Variants in TEX2 observed in about 807,000 individuals in gnomAD.
TEX2 encodes testis expressed 2.
TEX2 carries 53 observed loss-of-function variants against 106.9 expected under a neutral mutation model. The ratio of observed to expected loss-of-function variants is 0.50; its 90% CI spans 0.40 to 0.62. The LOEUF is 0.62. Ranked by LOEUF, TEX2 falls within the 20% of genes least tolerant of loss-of-function variation. The probability of loss-of-function intolerance (pLI) is 0.00; values close to 1 mark genes in which losing one functional copy is unlikely to be tolerated. For synonymous variants in TEX2, 523 were observed against 534.8 expected, an observed-to-expected ratio of 0.98 and a Z score of 0.30; for missense variants, 1,207 against 1,379.0, an observed-to-expected ratio of 0.88 and a Z score of 1.98.
Position 64,212,794 on chromosome 17 carries a change from G to A in TEX2, c.1424C>T (p.Thr475Met), listed in dbSNP as rs782462824. Residue 475 changes from threonine to methionine, a missense_variant, in exon 2 of 12, where the codon ACG becomes ATG. Thr to Met is a moderately conservative substitution (Grantham distance 81, BLOSUM62 -1). Around this residue, in one of 3 missense-constraint regions of TEX2, gnomAD observed 1,067 missense variants for 1,193.6 expected, o/e 0.89. Coordinates refer to ENST00000584379, the MANE Select transcript of TEX2 (RefSeq NM_001288732.2). ...AVQHPELPVK[T>M]LGFFIMCVYV... Reference sequence around the variant, plus strand: ...GACACACATTATAAAGAAGCCCAACGTCTTCACTGGCAATTCCGGGTGCTG... The same window carrying A: ...GACACACATTATAAAGAAGCCCAACATCTTCACTGGCAATTCCGGGTGCTG... 64 of 1,613,958 alleles carry A rather than the reference G, an allele frequency of 4.0e-5. No individual in the cohort carries two copies. The highest frequency in any genetic ancestry group is 5.0e-5 in the Non-Finnish European group (59 of 1,180,020).
intron 1 of TEX2, among the ~76,000 whole-genome samples, chr17:64,227,724 A>G (rs1292443348): frequency 6.6e-6 from 1 of 152,160 alleles, no homozygotes; most frequent in Non-Finnish European, 1.5e-5. Flanking sequence ...AGTTCCACCA[A>G]CTTGGTAGCA....
At chr17:64,257,905 T>A (rs7207634) in intron 1 of TEX2, among the ~76,000 whole-genome samples, 14,935 of 151,938 alleles carry the variant, frequency 0.098, 1,852 homozygotes, top group African/African-American at 0.29. Flanking sequence ...TATGTGGTTG[T>A]TATAACCGTT....
chr17:64,206,550 C>CTTT (rs60956243), intron 2 of TEX2, among the ~76,000 whole-genome samples: 3 of 77,190 alleles, frequency 3.9e-5, no homozygotes, highest in African/African-American at 5.6e-5. Context: ...AGAGGTCTTA[C>CTTT]TTTTTTTTTT....
Position 64,195,063 on chromosome 17 carries a change from T to C in TEX2, c.1677A>G (p.Pro559=). The C allele has an allele frequency of 6.2e-7, 1 of 1,614,188 alleles. No individual in the cohort carries two copies. Among genetic ancestry groups the C allele is most frequent in the Non-Finnish European group, 8.5e-7 (1 of 1,180,006 alleles). Residue 559 remains proline (P), a synonymous_variant, in exon 3 of 12, where the codon CCA becomes CCG. Transcript: ENST00000584379. This position sits in a 1 kb window ranked among gnomAD's most constrained non-coding sequence, Gnocchi z 4.1. ...GWMNEIYNYD[P]ETYHATLTHS... is the part of the protein sequence containing the mutation. ...GTGTCAAAGTCGCATGGTAGGTTTC[T>C]GGATCATAGTTGTAAATCTCATTCA...
chr17:64,180,581 A>ATT (rs2031814649), intron 5 of TEX2, among the ~76,000 whole-genome samples: 1 of 152,262 alleles, frequency 6.6e-6, no homozygotes, highest in African/African-American at 2.4e-5. Context: ...AAAATTTAAG[A>ATT]GTTTAAAGAA....
In TEX2 at chr17:64,185,919, T is replaced by C. The variant is rs1287794226; in HGVS notation, c.2424+2249A>G. 6.6e-6 allele frequency among the ~76,000 whole-genome samples: 1 copy of C among 150,594 alleles called. No individual in the cohort carries two copies. Among genetic ancestry groups the C allele is most frequent in the African/African-American group, 2.4e-5 (1 of 40,836 alleles). On this transcript the variant is annotated intron_variant, in intron 5 of 11. Coordinates refer to ENST00000584379, the MANE Select transcript of TEX2 (RefSeq NM_001288732.2). This position sits in a 1 kb window ranked among gnomAD's most constrained non-coding sequence, Gnocchi z 4.0. ...CCTGGGGAAAAAGAGCAAAACTCCA[T>C]CTCAAAAAAAAAAGTCATCAGACTT...
chr17:64,242,906 G>A (rs1001171544), intron 1 of TEX2, among the ~76,000 whole-genome samples: 9 of 151,370 alleles, frequency 5.9e-5, no homozygotes, highest in East Asian at 1.9e-4. Flanking sequence ...GCAACATAAC[G>A]AGATCCCATC....
intron 1 of TEX2, among the ~76,000 whole-genome samples, chr17:64,247,033 T>C (rs565550552): frequency 2.6e-5 from 4 of 151,740 alleles, no homozygotes; most frequent in African/African-American, 9.7e-5. Flanking sequence ...ATCCCAGCAC[T>C]TTGGGAGGCT....
intron 1 of TEX2, among the ~76,000 whole-genome samples, chr17:64,238,221 C>T (rs945396403): frequency 6.6e-6 from 1 of 152,124 alleles, no homozygotes; most frequent in Non-Finnish European, 1.5e-5. Flanking sequence ...AATCGCTTGA[C>T]CCTGGAGGTG....
At chr17:64,203,780 G>A (rs1194122328) in intron 2 of TEX2, among the ~76,000 whole-genome samples, 11 of 152,114 alleles carry the variant, frequency 7.2e-5, no homozygotes, top group African/African-American at 2.7e-4. Flanking sequence ...ATTAGGGGAG[G>A]GAAGCGCCGT....
At chr17:64,246,091 C>T (rs1291999891) in intron 1 of TEX2, among the ~76,000 whole-genome samples, 4 of 152,190 alleles carry the variant, frequency 2.6e-5, no homozygotes, top group Admixed American at 2.0e-4. Context: ...GACCTTTCTC[C>T]AACACCCTTT....
intron 5 of TEX2, among the ~76,000 whole-genome samples, chr17:64,184,444 T>G (rs2032001038): frequency 6.6e-6 from 1 of 152,200 alleles, no homozygotes; most frequent in African/African-American, 2.4e-5. Flanking sequence ...TATTGAGTTG[T>G]AAGAGTCCTT....
At chr17:64,211,366 T>C (rs2032995838) in intron 2 of TEX2, among the ~76,000 whole-genome samples, 2 of 152,236 alleles carry the variant, frequency 1.3e-5, no homozygotes, top group African/African-American at 4.8e-5. Flanking sequence ...TGGATGGTTA[T>C]GAAGCTGAAT....
Position 64,188,290 on chromosome 17 carries a change from C to T in TEX2, c.2302G>A (p.Val768Met), listed in dbSNP as rs148096884. The change falls in exon 5 of 12, where the codon GTG becomes ATG. Residue 768 changes from valine to methionine, a missense_variant. Around this residue, in one of 3 missense-constraint regions of TEX2, gnomAD observed 1,067 missense variants for 1,193.6 expected, o/e 0.89. Transcript: ENST00000584379. ...QPKQKELAGSVRQKMLLDYSV... is the reference protein window; with the variant it reads ...QPKQKELAGSMRQKMLLDYSV... ...TAGTCGAGAAGCATCTTCTGCCGCA[C>T]GCTGCCTGCCAGCTCCTTCTGCTTT... 149 of 1,614,002 alleles carry T rather than the reference C, an allele frequency of 9.2e-5. 1 individual carries two copies. The highest frequency in any genetic ancestry group is 3.3e-5 in the Non-Finnish European group (39 of 1,180,044).
At chr17:64,250,923 C>T (rs1177575841) in intron 1 of TEX2, among the ~76,000 whole-genome samples, 1 of 152,136 alleles carries the variant, frequency 6.6e-6, no homozygotes, top group African/African-American at 2.4e-5. Flanking sequence ...AACTCCTGAA[C>T]TCAAGGGATC....
intron 1 of TEX2, among the ~76,000 whole-genome samples, chr17:64,242,796 A>T (rs149774574): frequency 1.6e-4 from 25 of 152,306 alleles, no homozygotes; most frequent in Middle Eastern, 3.4e-3. Context: ...TAATGTAAAA[A>T]ACAATTTGGC....
intron 1 of TEX2, among the ~76,000 whole-genome samples, chr17:64,241,102 C>T (rs12952521): frequency 0.011 from 1,636 of 152,354 alleles, 10 homozygotes; most frequent in Non-Finnish European, 0.018. Context: ...CTGAAGCCAG[C>T]TGGCCTCCAG....
At chr17:64,246,779 C>G in intron 1 of TEX2, among the ~76,000 whole-genome samples, 1 of 152,288 alleles carries the variant, frequency 6.6e-6, no homozygotes, top group African/African-American at 2.4e-5. Context: ...GACTTCTGGG[C>G]TAAAAGGGGT....
intron 2 of TEX2, among the ~76,000 whole-genome samples, chr17:64,203,108 T>TTGGCAC (rs2032722113): frequency 6.6e-6 from 1 of 152,172 alleles, no homozygotes; most frequent in Non-Finnish European, 1.5e-5. Flanking sequence ...GTGCTTTCAG[T>TTGGCAC]TACAGTGCCA....
Sources: allele counts gnomAD v4.1 joint callset (sites outside exome capture counted in the v4.1 genomes callset), GRCh38; gene constraint gnomAD v4.1.1; regional missense constraint gnomAD v4.1.1; non-coding constraint Gnocchi (gnomAD v3.1); transcripts MANE v1.5; gene names NCBI Gene and HGNC (gene_info 2026-07-23, HGNC 2026-07-21).